Variants in TMEM132D observed in about 807,000 individuals in gnomAD.
TMEM132D encodes mature OL transmembrane protein.
Under a neutral mutation model 62.3 loss-of-function variants are expected in TMEM132D, and 21 were observed. That is an observed-to-expected ratio of 0.34 (90% CI 0.24 to 0.49). The LOEUF is 0.49. Among genes scored for constraint, TMEM132D ranks in the 20% least tolerant of loss-of-function variants. TMEM132D has a pLI of 0.99. For missense variants in TMEM132D, 1,346 were observed against 1,402.8 expected, an observed-to-expected ratio of 0.96 and a Z score of 0.65; for synonymous variants, 621 against 575.6, an observed-to-expected ratio of 1.08 and a Z score of -1.13.
intron 2 of TMEM132D, among the ~76,000 whole-genome samples, chr12:129,633,698 C>T (rs1879408777): frequency 6.6e-6 from 1 of 152,086 alleles, no homozygotes; most frequent in Non-Finnish European, 1.5e-5. Flanking sequence ...CTGTCAGGAC[C>T]CATCACTTTC....
intron 5 of TMEM132D, among the ~76,000 whole-genome samples, chr12:129,197,903 C>T (rs1487260801): frequency 6.6e-6 from 1 of 152,260 alleles, no homozygotes; most frequent in Non-Finnish European, 1.5e-5. Flanking sequence ...TAAGGGTTAA[C>T]ATCTAAAATA....
chr12:129,674,565 G>C (rs12311450), intron 2 of TMEM132D, among the ~76,000 whole-genome samples: 1 of 152,022 alleles, frequency 6.6e-6, no homozygotes, highest in African/African-American at 2.4e-5. Flanking sequence ...TTGAGACAGA[G>C]TCTCAAAACA....
rs138961764 is a variant in TMEM132D at position 129,376,750 on chromosome 12, C to T, written c.1116-38933G>A. Among the ~76,000 whole-genome samples the T allele has an allele frequency of 3.5e-4, 54 of 152,266 alleles. 1 individual carries two copies. The East Asian group carries it at 0.01, about 29-fold the overall frequency. The stretch of plus-strand genomic sequence containing the variant: ...GCAGACAGAAGTGGAAGTGGTTAGG[C>T]TTCATAAGTGACCTTAATCTTGCTG... On this transcript the variant is annotated intron_variant, in intron 3 of 8. Transcript: ENST00000422113.
chr12:129,248,328 G>T (rs1205166160), intron 4 of TMEM132D, among the ~76,000 whole-genome samples: 1 of 152,150 alleles, frequency 6.6e-6, no homozygotes, highest in Non-Finnish European at 1.5e-5. Flanking sequence ...AAGGACTTCT[G>T]CAGAAAGTCT....
chr12:129,772,817 G>A (rs530224697), intron 1 of TMEM132D, among the ~76,000 whole-genome samples: 7 of 152,364 alleles, frequency 4.6e-5, no homozygotes, highest in Admixed American at 4.6e-4. Context: ...AGGTCCTGGG[G>A]ACCTGTGAGG....
At chr12:129,279,950 T>G (rs1881095985) in intron 4 of TMEM132D, among the ~76,000 whole-genome samples, 1 of 152,178 alleles carries the variant, frequency 6.6e-6, no homozygotes, top group Admixed American at 6.5e-5. Flanking sequence ...CTAATAAAAG[T>G]GACACATTGA....
At position 129,404,666 on chromosome 12, in the gene TMEM132D, T is replaced by C. The variant is rs1214164144; in HGVS notation, c.1116-66849A>G. On this transcript the variant is annotated intron_variant, in intron 3 of 8. Coordinates refer to ENST00000422113, the MANE Select transcript of TMEM132D (RefSeq NM_133448.3). ...GGTGAGAGTGGGAACAAGGGAGAGA[T>C]GGCAGGGGGCAGGGGGGTGTAGGGG... 2.6e-5 allele frequency among the ~76,000 whole-genome samples: 4 copies of C among 152,022 alleles called. No homozygotes were observed. The East Asian group carries it at 7.7e-4, about 29-fold the overall frequency.
At chr12:129,550,637 C>A (rs758975183) in intron 2 of TMEM132D, among the ~76,000 whole-genome samples, 6 of 152,176 alleles carry the variant, frequency 3.9e-5, no homozygotes, top group Non-Finnish European at 8.8e-5. Context: ...AAGCTAAGTG[C>A]TAAACTGGTT....
At chr12:129,451,883 G>A (rs1239409880) in intron 3 of TMEM132D, among the ~76,000 whole-genome samples, 1 of 152,190 alleles carries the variant, frequency 6.6e-6, no homozygotes, top group East Asian at 1.9e-4. Context: ...TAGCTGCAAA[G>A]GAACCTGGAA....
At chr12:129,530,397 C>G (rs1403487554) in intron 3 of TMEM132D, among the ~76,000 whole-genome samples, 1 of 152,078 alleles carries the variant, frequency 6.6e-6, no homozygotes, top group Non-Finnish European at 1.5e-5. Flanking sequence ...GACTAGGAAA[C>G]CCCCAGAGCC....
At chr12:129,582,687 C>G (rs996203325) in intron 2 of TMEM132D, among the ~76,000 whole-genome samples, 2 of 149,428 alleles carry the variant, frequency 1.3e-5, no homozygotes, top group African/African-American at 4.9e-5. Flanking sequence ...GGTGTGATCT[C>G]GGCTCACTGC....
chr12:129,832,032 GCTCTTTTTTT>G (rs1253348347), intron 1 of TMEM132D, among the ~76,000 whole-genome samples: 3 of 94,944 alleles, frequency 3.2e-5, no homozygotes, highest in Non-Finnish European at 6.4e-5. Flanking sequence ...ACCATGCCCG[GCTCTTTTTTT>G]TTTTTTTTTT....
At chr12:129,701,508 C>T (rs1459463113) in intron 1 of TMEM132D, among the ~76,000 whole-genome samples, 1 of 152,188 alleles carries the variant, frequency 6.6e-6, no homozygotes, top group Non-Finnish European at 1.5e-5. Flanking sequence ...AGGGCAGCAC[C>T]TCGCTTCCAT....
At chr12:129,446,635 G>A (rs1235105335) in intron 3 of TMEM132D, among the ~76,000 whole-genome samples, 2 of 152,184 alleles carry the variant, frequency 1.3e-5, no homozygotes, top group Non-Finnish European at 2.9e-5. Context: ...CCTGAGCAGA[G>A]ATGAATGATA....
intron 3 of TMEM132D, among the ~76,000 whole-genome samples, chr12:129,367,672 T>A (rs546210827): frequency 6.6e-6 from 1 of 152,102 alleles, no homozygotes; most frequent in African/African-American, 2.4e-5. Context: ...CCTGGGGACA[T>A]AATTTGAATA....
At chr12:129,423,273 A>C (rs541390973) in intron 3 of TMEM132D, among the ~76,000 whole-genome samples, 1 of 152,150 alleles carries the variant, frequency 6.6e-6, no homozygotes, top group African/African-American at 2.4e-5. Flanking sequence ...TTTCCTACAC[A>C]TAAACAGGAA....
chr12:129,357,784 C>T lies in TMEM132D; in HGVS notation c.1116-19967G>A, dbSNP rs1030523767. On this transcript the variant is annotated intron_variant, in intron 3 of 8. Coordinates refer to ENST00000422113, the MANE Select transcript of TMEM132D (RefSeq NM_133448.3). ...GAATTTTCCAGACTGCGTCAATCTTCGTCGGCAATGGCACTTTGGAAATTT... is the reference window on the plus strand; with the variant it reads ...GAATTTTCCAGACTGCGTCAATCTTTGTCGGCAATGGCACTTTGGAAATTT... Among the ~76,000 whole-genome samples the T allele has an allele frequency of 5.3e-5, 8 of 152,244 alleles. No homozygotes were observed. The East Asian group carries it at 7.7e-4, about 15-fold the overall frequency.
intron 4 of TMEM132D, among the ~76,000 whole-genome samples, chr12:129,318,914 C>G: frequency 6.6e-6 from 1 of 152,132 alleles, no homozygotes; most frequent in East Asian, 1.9e-4. Flanking sequence ...GGAAAGCTGG[C>G]AGTCACAGGC....
At chr12:129,191,502 T>C (rs956621479) in intron 5 of TMEM132D, among the ~76,000 whole-genome samples, 10 of 146,418 alleles carry the variant, frequency 6.8e-5, no homozygotes, top group Admixed American at 6.7e-4. Flanking sequence ...AAATAAAATA[T>C]ACATAAATAT....
Sources: gnomAD v4.1 joint callset for allele counts (sites outside exome capture counted in the v4.1 genomes callset) on GRCh38, gnomAD v4.1.1 for gene constraint, MANE v1.5 for transcripts, NCBI Gene and HGNC (gene_info 2026-07-23, HGNC 2026-07-21) for gene names.